NAV2: variants seen among roughly 807,000 people sequenced by gnomAD.
The protein encoded by NAV2 is neuron navigator 2, also known as helicase, APC down-regulated 1.
In NAV2, 54 loss-of-function variants were observed where a neutral mutation model predicts 223.2. The observed-to-expected ratio is 0.24, with a 90% CI of 0.19 to 0.30. NAV2 has a LOEUF of 0.30. Ranked by LOEUF, NAV2 falls within the 10% of genes least tolerant of loss-of-function variation. NAV2 has a pLI of 1.00. For missense variants in NAV2, 2,806 were observed against 3,147.5 expected, an observed-to-expected ratio of 0.89 and a Z score of 2.60; for synonymous variants, 1,279 against 1,239.3, an observed-to-expected ratio of 1.03 and a Z score of -0.67.
At chr11:19,693,217 C>T (rs1743384552) in intron 1 of NAV2, among the ~76,000 whole-genome samples, 1 of 152,230 alleles carries the variant, frequency 6.6e-6, no homozygotes, top group Non-Finnish European at 1.5e-5. Context: ...CTCTCACCCT[C>T]CACAGGGTCC....
At chr11:19,971,459 AAG>A (rs984015455) in intron 10 of NAV2, among the ~76,000 whole-genome samples, 1 of 152,092 alleles carries the variant, frequency 6.6e-6, no homozygotes, top group Admixed American at 6.6e-5. Context: ...TTACACCCCA[AAG>A]AGAGAGCTGT....
At chr11:19,839,027 A>G (rs1027266003) in intron 2 of NAV2, among the ~76,000 whole-genome samples, 5 of 152,124 alleles carry the variant, frequency 3.3e-5, no homozygotes, top group Non-Finnish European at 5.9e-5. Flanking sequence ...TTCTGCCATC[A>G]TCTTCTATAA....
At chr11:20,094,223 CTTTTTTTTTT>C (rs61099684) in intron 29 of NAV2, among the ~76,000 whole-genome samples, 1 of 88,520 alleles carries the variant, frequency 1.1e-5, no homozygotes, top group Non-Finnish European at 2.0e-5. Flanking sequence ...TTTTCTTTAT[CTTTTTTTTTT>C]TTTTTTTTTT....
intron 11 of NAV2, among the ~76,000 whole-genome samples, chr11:20,006,015 C>T (rs991378098): frequency 2.0e-5 from 3 of 151,978 alleles, no homozygotes; most frequent in African/African-American, 4.8e-5. Flanking sequence ...TTTGAGAGGC[C>T]GAGGCGGGTG....
At chr11:19,603,244 G>A (rs1246398883) in intron 1 of NAV2, among the ~76,000 whole-genome samples, 1 of 152,134 alleles carries the variant, frequency 6.6e-6, no homozygotes, top group Non-Finnish European at 1.5e-5. Flanking sequence ...GCATGGAGCT[G>A]TATTAGAGGG....
At chr11:19,652,106 A>C (rs1034380550) in intron 1 of NAV2, among the ~76,000 whole-genome samples, 3 of 152,206 alleles carry the variant, frequency 2.0e-5, no homozygotes, top group African/African-American at 7.2e-5. Flanking sequence ...TGATTAATCC[A>C]AGATATTAAC....
chr11:19,569,806 C>A (rs889264480), intron 1 of NAV2, among the ~76,000 whole-genome samples: 1 of 152,164 alleles, frequency 6.6e-6, no homozygotes, highest in East Asian at 1.9e-4. Flanking sequence ...CCTAACCACC[C>A]TGGATGGGGA....
At chr11:19,412,036 T>C (rs1368824816) in intron 1 of NAV2, among the ~76,000 whole-genome samples, 4 of 152,134 alleles carry the variant, frequency 2.6e-5, no homozygotes, top group Non-Finnish European at 5.9e-5. Flanking sequence ...AGGTGTTTTT[T>C]TCATATCCCA....
intron 1 of NAV2, among the ~76,000 whole-genome samples, chr11:19,586,281 TA>T (rs1382262626): frequency 6.6e-6 from 1 of 152,062 alleles, no homozygotes; most frequent in African/African-American, 2.4e-5. Flanking sequence ...GCCATTTTTC[TA>T]ATTTTTTTTC....
At chr11:19,733,209 C>A (rs1464696758) in intron 1 of NAV2, among the ~76,000 whole-genome samples, 1 of 152,216 alleles carries the variant, frequency 6.6e-6, no homozygotes, top group African/African-American at 2.4e-5. Flanking sequence ...CTAGACCTGG[C>A]TGAGCATTTG....
At chr11:19,761,080 C>T (rs1351695823) in intron 1 of NAV2, among the ~76,000 whole-genome samples, 3 of 152,164 alleles carry the variant, frequency 2.0e-5, no homozygotes, top group African/African-American at 7.2e-5. Flanking sequence ...GAGTCTGAAA[C>T]AGCTGGTGGG....
At chr11:19,623,712 A>T (rs1278785205) in intron 1 of NAV2, among the ~76,000 whole-genome samples, 1 of 152,172 alleles carries the variant, frequency 6.6e-6, no homozygotes, top group African/African-American at 2.4e-5. Context: ...GGGTTCGAAC[A>T]TCCTCCTTTA....
At chr11:19,537,840 G>A (rs1243626972) in intron 1 of NAV2, among the ~76,000 whole-genome samples, 2 of 152,166 alleles carry the variant, frequency 1.3e-5, no homozygotes, top group Non-Finnish European at 2.9e-5. Context: ...GTCTCAGTTT[G>A]TTTATCAGTA....
intron 1 of NAV2, among the ~76,000 whole-genome samples, chr11:19,381,734 G>A (rs1848843795): frequency 6.6e-6 from 1 of 152,198 alleles, no homozygotes; most frequent in Non-Finnish European, 1.5e-5. Flanking sequence ...TAACGTCAGG[G>A]CAAATGTGGC....
intron 1 of NAV2, among the ~76,000 whole-genome samples, chr11:19,663,628 C>G (rs2048342991): frequency 6.6e-6 from 1 of 152,164 alleles, no homozygotes; most frequent in Non-Finnish European, 1.5e-5. Context: ...CTTTTTCCAG[C>G]TCTCATTGCT....
At chr11:19,452,525 T>C (rs1200095671) in intron 1 of NAV2, among the ~76,000 whole-genome samples, 1 of 152,232 alleles carries the variant, frequency 6.6e-6, no homozygotes, top group African/African-American at 2.4e-5. Flanking sequence ...CTGATGCTCC[T>C]TGATTTACCG....
At chr11:19,385,862 C>T (rs71488704) in intron 1 of NAV2, among the ~76,000 whole-genome samples, 10,957 of 150,564 alleles carry the variant, frequency 0.073, 552 homozygotes, top group East Asian at 0.17. Flanking sequence ...CCTGGGTTCA[C>T]GCCAGTCTCC....
chr11:19,639,257 A>G (rs922746996), intron 1 of NAV2, among the ~76,000 whole-genome samples: 1 of 152,180 alleles, frequency 6.6e-6, no homozygotes, highest in African/African-American at 2.4e-5. Context: ...GTTGTTTGAC[A>G]TAGAAGATGA....
At chr11:19,371,009 A>G (rs1343884575) in intron 1 of NAV2, among the ~76,000 whole-genome samples, 1 of 152,036 alleles carries the variant, frequency 6.6e-6, no homozygotes, top group Non-Finnish European at 1.5e-5. Flanking sequence ...TCCAATTCCC[A>G]TTTTTCAGAC....
Sources: gnomAD v4.1 joint callset for allele counts (sites outside exome capture counted in the v4.1 genomes callset) on GRCh38, gnomAD v4.1.1 for gene constraint, MANE v1.5 for transcripts, NCBI Gene and HGNC (gene_info 2026-07-23, HGNC 2026-07-21) for gene names.